CST8: variants seen among roughly 807,000 people sequenced by gnomAD.
CST8 encodes the protein cystatin-8.
In CST8, 20 loss-of-function variants were observed where a neutral mutation model predicts 11.8. The ratio of observed to expected loss-of-function variants is 1.70; its 90% CI spans 1.20 to 2.47. The LOEUF is 2.47. CST8 is among the 30% of genes most tolerant of loss of function. The pLI, the probability that CST8 is intolerant of heterozygous loss-of-function variation, is 0.00. For synonymous variants in CST8, 77 were observed against 63.1 expected (o/e 1.22, Z -1.05); for missense variants, 196 against 167.2 (o/e 1.17, Z -0.95).
At chr20:23,495,798 T>G in intron 3 of CST8, 33 bp from the exon 4 acceptor site, 3 of 1,225,196 alleles carry the variant, frequency 2.4e-6, no homozygotes, top group South Asian at 1.3e-5. Context: ...TTTTTGGCAC[T>G]CTACTAATTT....
chr20:23,492,210 T>A (rs1987909273), intron 2 of CST8, among the ~76,000 whole-genome samples: 1 of 152,212 alleles, frequency 6.6e-6, no homozygotes, highest in South Asian at 2.1e-4. Flanking sequence ...AAAGATCTGA[T>A]AAAGGTGAGT....
the CST8 span, among the ~76,000 whole-genome samples, chr20:23,502,278 C>T: frequency 6.6e-6 from 1 of 152,186 alleles, no homozygotes; most frequent in African/African-American, 2.4e-5. Context: ...CTGCAAATAT[C>T]ATTGCTTTAA....
chr20:23,495,444 A>G (rs901360078), intron 3 of CST8, among the ~76,000 whole-genome samples: 13 of 152,220 alleles, frequency 8.5e-5, no homozygotes, highest in African/African-American at 3.1e-4. Context: ...CCTTTTGTCC[A>G]CAACCTTGCC....
intron 3 of CST8, 131 bp from the exon 4 acceptor site, chr20:23,495,700 C>G (rs144557566): frequency 1.5e-6 from 1 of 672,958 alleles, no homozygotes; most frequent in Non-Finnish European, 2.6e-6. Flanking sequence ...CCTGGGAGCT[C>G]GCTCGAGAGT....
downstream of CST8, among the ~76,000 whole-genome samples, chr20:23,500,139 C>T (rs897354396): frequency 6.6e-6 from 1 of 152,006 alleles, no homozygotes; most frequent in Non-Finnish European, 1.5e-5. Context: ...CTCATTACCT[C>T]GAGGAAGACA....
Position 23,493,880 on chromosome 20 carries a change from G to A in CST8, c.345+809G>A, listed in dbSNP as rs978255800. The stretch of plus-strand genomic sequence containing the variant: ...CAAACCCTGATGACCGGGTTCCACC[G>A]GCAGAGTTTCCAATTCAGGAAATGG... On this transcript the variant is annotated intron_variant, in intron 3 of 3. Transcript: ENST00000246012. Among the ~76,000 whole-genome samples, 11 of 152,208 alleles carry A rather than the reference G, an allele frequency of 7.2e-5. No individual in the cohort carries two copies. In the South Asian group the frequency reaches 1.7e-3, roughly 23 times the overall value.
intron 3 of CST8, 127 bp from the exon 4 acceptor site, chr20:23,495,704 C>A (rs190436255): frequency 4.3e-6 from 3 of 694,026 alleles, no homozygotes; most frequent in Non-Finnish European, 7.4e-6. Context: ...GGAGCTCGCT[C>A]GAGAGTGGTG....
At position 23,491,643 on chromosome 20, in the gene CST8, G is replaced by A. The variant is rs200566980; in HGVS notation, c.-25G>A. 3.2e-6 allele frequency: 5 copies of A among 1,582,108 alleles called. No homozygotes were observed. Among genetic ancestry groups the A allele is most frequent in the Middle Eastern group, 1.7e-4 (1 of 5,768 alleles). Reference sequence around the variant, plus strand: ...CCCTGAGACGACGAGGAGGAGAGTCGACTTTGCCTCTTGCCCAAGGGACCA... The same window carrying A: ...CCCTGAGACGACGAGGAGGAGAGTCAACTTTGCCTCTTGCCCAAGGGACCA... On this transcript the variant is annotated 5_prime_UTR_variant, in exon 2 of 4. Coordinates refer to ENST00000246012, the MANE Select transcript of CST8 (RefSeq NM_005492.4).
At chr20:23,497,229 T>A (rs1251652402), downstream of CST8, among the ~76,000 whole-genome samples, 1 of 152,212 alleles carries the variant, frequency 6.6e-6, no homozygotes, top group Non-Finnish European at 1.5e-5. Flanking sequence ...CTAATAAAAG[T>A]CCATGAAATC....
chr20:23,493,053 A>G lies in CST8; in HGVS notation c.327A>G (p.Glu109=). ...CTAATGAAATCTGCGCCATTCAAGA[A>G]AACTCCAAGCTGAAAAGGGTAGGTG... ...LSTNEICAIQ[E]NSKLKRKLSC... Residue 109 remains glutamate, a synonymous_variant, in exon 3 of 4, where the codon GAA becomes GAG. Coordinates refer to ENST00000246012, the MANE Select transcript of CST8 (RefSeq NM_005492.4). 6.2e-7 allele frequency: 1 copy of G among 1,609,872 alleles called. No homozygotes were observed.
downstream of CST8, among the ~76,000 whole-genome samples, chr20:23,497,529 T>C (rs1167646504): frequency 6.6e-6 from 1 of 152,254 alleles, no homozygotes; most frequent in African/African-American, 2.4e-5. Flanking sequence ...GGGATTTGTG[T>C]TTCTTCCTAT....
chr20:23,497,162 T>G (rs1988066681), downstream of CST8, among the ~76,000 whole-genome samples: 1 of 152,224 alleles, frequency 6.6e-6, no homozygotes, highest in Non-Finnish European at 1.5e-5. Flanking sequence ...ACAATTTATG[T>G]TCAGAGATTG....
the CST8 span, among the ~76,000 whole-genome samples, chr20:23,504,524 G>A: frequency 6.6e-6 from 1 of 152,068 alleles, no homozygotes; most frequent in Non-Finnish European, 1.5e-5. Flanking sequence ...TCTTTAGGTC[G>A]CCAAAGAGGA....
Position 23,491,851 on chromosome 20 carries a change from G to A in CST8, c.184G>A (p.Asp62Asn), listed in dbSNP as rs1016959529. 3 of 1,614,240 alleles carry A rather than the reference G, an allele frequency of 1.9e-6. No homozygotes were observed. The highest frequency in any genetic ancestry group is 2.2e-5 in the East Asian group (1 of 44,876). ...AMQEYNKESE[D>N]KYVFLVVKTL... The stretch of plus-strand genomic sequence containing the variant: ...GCAAGAATACAACAAAGAGAGCGAG[G>A]ACAAGTATGTCTTCCTGGTGGTCAA... The change falls in exon 2 of 4, where the codon GAC becomes AAC. Residue 62 changes from aspartate (D) to asparagine (N), a missense_variant. By Grantham distance (23) the Asp-to-Asn change is conservative. Transcript: ENST00000246012.
Position 23,491,644 on chromosome 20 carries a change from A to T in CST8, c.-24A>T. On this transcript the variant is annotated 5_prime_UTR_variant, in exon 2 of 4. Transcript: ENST00000246012. ...CCTGAGACGACGAGGAGGAGAGTCG[A>T]CTTTGCCTCTTGCCCAAGGGACCAT... is the stretch of plus-strand genomic sequence containing the variant. The T allele has an allele frequency of 6.3e-7, 1 of 1,586,688 alleles. No individual in the cohort carries two copies. The highest frequency in any genetic ancestry group is 8.7e-7 in the Non-Finnish European group (1 of 1,155,598).
chr20:23,502,988 T>G, the CST8 span, among the ~76,000 whole-genome samples: 1 of 152,194 alleles, frequency 6.6e-6, no homozygotes, highest in African/African-American at 2.4e-5. Flanking sequence ...GAAAAATGAT[T>G]AATTACCTTT....
At chr20:23,498,480 C>T (rs1358841591), downstream of CST8, among the ~76,000 whole-genome samples, 1 of 152,194 alleles carries the variant, frequency 6.6e-6, no homozygotes, top group East Asian at 1.9e-4. Context: ...ACTCCAAGGC[C>T]TCAAACTACT....
downstream of CST8, among the ~76,000 whole-genome samples, chr20:23,497,285 T>A (rs1287784555): frequency 6.6e-6 from 1 of 152,230 alleles, no homozygotes; most frequent in Non-Finnish European, 1.5e-5. Flanking sequence ...GGTCCCTCTG[T>A]TCGGGGTTCC....
the CST8 span, among the ~76,000 whole-genome samples, chr20:23,504,905 G>A: frequency 1.3e-5 from 2 of 152,102 alleles, no homozygotes; most frequent in Non-Finnish European, 2.9e-5. Flanking sequence ...GCTCATAGGA[G>A]GGCAAATGGA....
Sources: gnomAD v4.1 joint callset for allele counts (sites outside exome capture counted in the v4.1 genomes callset) on GRCh38, gnomAD v4.1.1 for gene constraint, MANE v1.5 for transcripts, NCBI Gene and HGNC (gene_info 2026-07-23, HGNC 2026-07-21) for gene names.